The following ADGRV1 variants were observed in gnomAD, a reference collection of about 807,000 sequenced individuals.
ADGRV1 encodes the protein G-protein coupled receptor 98.
ADGRV1 carries 359 observed loss-of-function variants against 596.2 expected under a neutral mutation model. The ratio of observed to expected loss-of-function variants is 0.60; its 90% CI spans 0.55 to 0.66. The LOEUF (loss-of-function observed/expected upper bound fraction) is 0.66. Ranked by LOEUF, ADGRV1 falls within the 30% of genes least tolerant of loss-of-function variation. ADGRV1 has a pLI of 0.00. For synonymous variants in ADGRV1, 2,681 were observed against 2,679.2 expected (o/e 1.00, Z -0.02); for missense variants, 7,274 against 7,575.6 (o/e 0.96, Z 1.48).
chr5:90,943,088 G>A (rs1967413), intron 83 of ADGRV1, among the ~76,000 whole-genome samples: 66,802 of 151,864 alleles, frequency 0.44, 15,759 homozygotes, highest in Non-Finnish European at 0.52. Flanking sequence ...TTTGGCTAGG[G>A]GGACAGATTG....
At chr5:90,928,038 G>T (rs891441091) in intron 83 of ADGRV1, among the ~76,000 whole-genome samples, 1 of 152,102 alleles carries the variant, frequency 6.6e-6, no homozygotes, top group Non-Finnish European at 1.5e-5. Context: ...AGGGTAACCC[G>T]ACCTTTCTCT....
chr5:90,753,673 C>T lies in ADGRV1; in HGVS notation c.11221C>T (p.Arg3741Cys), dbSNP rs200182869. ...AGAGGTTGTGATTGTAACCCTCACCCGTATCACCACAGAAGGGGTTGAGGA... is the reference window on the plus strand; with the variant it reads ...AGAGGTTGTGATTGTAACCCTCACCTGTATCACCACAGAAGGGGTTGAGGA... ...LSEVVIVTLT[R>C]ITTEGVEDSY... The change falls in exon 54 of 90, where the codon CGT (arginine) becomes TGT (cysteine). Residue 3741 changes from arginine (R) to cysteine (C), a missense_variant. Physicochemically the swap from Arg to Cys is radical, Grantham distance 180. Coordinates refer to ENST00000405460, the MANE Select transcript of ADGRV1 (RefSeq NM_032119.4). 5.5e-5 allele frequency: 89 copies of T among 1,613,560 alleles called. No individual in the cohort carries two copies. The highest frequency in any genetic ancestry group is 6.7e-5 in the Non-Finnish European group (79 of 1,179,660).
At chr5:91,070,848 C>G (rs1287426542) in intron 85 of ADGRV1, among the ~76,000 whole-genome samples, 1 of 152,014 alleles carries the variant, frequency 6.6e-6, no homozygotes, top group Non-Finnish European at 1.5e-5. Flanking sequence ...ATAGATGGCT[C>G]TTGGGGAAAT....
At chr5:90,663,839 A>C (rs995997594) in intron 21 of ADGRV1, among the ~76,000 whole-genome samples, 3 of 151,994 alleles carry the variant, frequency 2.0e-5, no homozygotes, top group African/African-American at 4.8e-5. Context: ...ATGGCTAGCC[A>C]ATTTTCCCAG....
intron 38 of ADGRV1, among the ~76,000 whole-genome samples, chr5:90,708,384 T>G (rs1459149898): frequency 6.6e-6 from 1 of 151,764 alleles, no homozygotes; most frequent in South Asian, 2.1e-4. Flanking sequence ...AAAATTTAAG[T>G]AACTTACTTA....
rs186484914 is a variant in ADGRV1, at chr5:90,807,462, C to A, written c.14837-140C>A. ...CCTGTAAGTTTACCTCTCCCCCGAC[C>A]CCTTTTTAAAAATGTTTTACCTTTT... On this transcript the variant is annotated intron_variant, in intron 72 of 89. Coordinates refer to ENST00000405460, the MANE Select transcript of ADGRV1 (RefSeq NM_032119.4). 455 of 755,552 alleles carry A rather than the reference C, an allele frequency of 6.0e-4. 1 individual carries two copies. In the East Asian group the frequency reaches 0.011, roughly 19 times the overall value. The allele number at this position is 755,552 out of a possible 1,614,324, so 46.8% of individuals were successfully genotyped here.
chr5:90,935,133 T>A (rs767737473), intron 83 of ADGRV1, among the ~76,000 whole-genome samples: 6 of 152,224 alleles, frequency 3.9e-5, no homozygotes, highest in Non-Finnish European at 8.8e-5. Context: ...GTGCCAGTTA[T>A]AATGGAGAAC....
chr5:90,853,773 T>C (rs769434799), intron 80 of ADGRV1, among the ~76,000 whole-genome samples: 1 of 152,180 alleles, frequency 6.6e-6, no homozygotes, highest in African/African-American at 2.4e-5. Context: ...GTAAAAAATA[T>C]ATAGCTTTAA....
At chr5:91,006,717 G>A (rs1782310014) in intron 85 of ADGRV1, among the ~76,000 whole-genome samples, 3 of 152,038 alleles carry the variant, frequency 2.0e-5, no homozygotes, top group Admixed American at 1.3e-4. Context: ...TTAAAAATAA[G>A]TATATTAAGC....
intron 87 of ADGRV1, among the ~76,000 whole-genome samples, chr5:91,105,178 T>C (rs1224477862): frequency 2.0e-5 from 3 of 152,184 alleles, no homozygotes; most frequent in African/African-American, 4.8e-5. Flanking sequence ...TGTCATTCTT[T>C]TTTATGGCTG....
intron 55 of ADGRV1, among the ~76,000 whole-genome samples, chr5:90,756,223 G>A (rs1338735846): frequency 6.6e-6 from 1 of 152,098 alleles, no homozygotes; most frequent in Non-Finnish European, 1.5e-5. Context: ...ATTTGCTAAT[G>A]AGTGTGAAGA....
chr5:91,160,448 CCTCA>C (rs1458124321), intron 89 of ADGRV1, among the ~76,000 whole-genome samples: 1 of 152,196 alleles, frequency 6.6e-6, no homozygotes, highest in Non-Finnish European at 1.5e-5. Context: ...CACCTCTCAT[CCTCA>C]CTCAGTCCGT....
At chr5:91,154,098 A>G (rs1006292240) in intron 89 of ADGRV1, among the ~76,000 whole-genome samples, 1 of 152,228 alleles carries the variant, frequency 6.6e-6, no homozygotes, top group African/African-American at 2.4e-5. Context: ...TGGATATTTT[A>G]TTGGTCAGAA....
At position 90,643,900 on chromosome 5, in the gene ADGRV1, A is replaced by G. The variant is rs761551328; in HGVS notation, c.2651A>G (p.Asp884Gly). ...GTCAATATAACGATTCTGAAAAATG[A>G]TGATCCTCATGGCATTATAGAATTT... ...TIVNITILKN[D>G]DPHGIIEFVS... Residue 884 changes from aspartate to glycine, a missense_variant, in exon 14 of 90, where the codon GAT becomes GGT. Asp to Gly is a moderately conservative substitution (Grantham distance 94). Transcript: ENST00000405460. 11 of 1,612,244 alleles carry G rather than the reference A, an allele frequency of 6.8e-6. No homozygotes were observed. In the South Asian group the frequency reaches 8.8e-5, roughly 13 times the overall value.
chr5:90,986,312 C>T (rs1423568170), intron 85 of ADGRV1, among the ~76,000 whole-genome samples: 1 of 151,550 alleles, frequency 6.6e-6, no homozygotes, highest in East Asian at 1.9e-4. Flanking sequence ...CTTTTGAAGA[C>T]AGTATTACTT....
intron 85 of ADGRV1, among the ~76,000 whole-genome samples, chr5:91,040,753 T>G (rs571338148): frequency 1.3e-5 from 2 of 152,280 alleles, no homozygotes; most frequent in East Asian, 3.9e-4. Context: ...TCTCCATCTA[T>G]TATCAACTAA....
At chr5:90,629,091 A>G (rs1765164652) in intron 8 of ADGRV1, 119 bp from the exon 9 acceptor site, 1 of 626,552 alleles carries the variant, frequency 1.6e-6, no homozygotes, top group Non-Finnish European at 2.4e-6. Context: ...ATAAGAAGTC[A>G]TCATTTTTAG....
chr5:90,714,614 T>G (rs1749838003), intron 42 of ADGRV1, among the ~76,000 whole-genome samples: 2 of 152,098 alleles, frequency 1.3e-5, no homozygotes, highest in African/African-American at 4.8e-5. Context: ...TATCAGGAAT[T>G]TATTCATTGG....
At chr5:90,970,013 A>G (rs1159644212) in intron 84 of ADGRV1, among the ~76,000 whole-genome samples, 1 of 152,204 alleles carries the variant, frequency 6.6e-6, no homozygotes, top group African/African-American at 2.4e-5. Flanking sequence ...GGAAAATCGG[A>G]TCACTCCCAC....
Sources: gnomAD v4.1 joint callset for allele counts (sites outside exome capture counted in the v4.1 genomes callset) on GRCh38, gnomAD v4.1.1 for gene constraint, MANE v1.5 for transcripts, NCBI Gene and HGNC (gene_info 2026-07-23, HGNC 2026-07-21) for gene names.